ZBTB17: variants seen among roughly 807,000 people sequenced by gnomAD.
ZBTB17 encodes zinc finger and BTB domain containing 17, also known as zinc finger and BTB domain-containing protein 17.
ZBTB17 carries 24 observed loss-of-function variants against 85.1 expected under a neutral mutation model. That is an observed-to-expected ratio of 0.28 (90% CI 0.20 to 0.40). The LOEUF is 0.40. ZBTB17 is among the 10% of genes least tolerant of loss of function. ZBTB17 has a pLI of 1.00. For missense variants in ZBTB17, 743 were observed against 1,105.1 expected, an observed-to-expected ratio of 0.67 and a Z score of 4.65; for synonymous variants, 464 against 460.2, an observed-to-expected ratio of 1.01 and a Z score of -0.11.
chr1:15,974,317 C>T (rs1169291213), intron 1 of ZBTB17, among the ~76,000 whole-genome samples: 1 of 150,850 alleles, frequency 6.6e-6, no homozygotes, highest in Non-Finnish European at 1.5e-5. Flanking sequence ...CCACCATGCC[C>T]GGCTATTTTT....
Position 15,942,709 on chromosome 1 carries a change from C to T in ZBTB17, c.1858G>A (p.Gly620Arg). 1 of 1,613,602 alleles carries T rather than the reference C, an allele frequency of 6.2e-7. No homozygotes were observed. The highest frequency in any genetic ancestry group is 8.5e-7 in the Non-Finnish European group (1 of 1,180,038). Residue 620 changes from glycine to arginine, a missense_variant, in exon 14 of 16, where the codon GGG becomes AGG. Coordinates refer to ENST00000375743, the MANE Select transcript of ZBTB17 (RefSeq NM_003443.3). ...GEKPYLCDKC[G>R]RGFNRVDNLR... ...TTGTCTACCCGGTTGAAGCCACGCC[C>T]ACACTTATCACACAGGTAAGGCTTC...
chr1:15,946,737 C>G (rs2071626333), intron 4 of ZBTB17, among the ~76,000 whole-genome samples, 198 bp downstream of exon 4: 1 of 152,248 alleles, frequency 6.6e-6, no homozygotes, highest in Non-Finnish European at 1.5e-5. Context: ...GGCACTGAAC[C>G]AGGCACGGCT....
intron 2 of ZBTB17, among the ~76,000 whole-genome samples, chr1:15,949,010 G>A (rs558180590): frequency 2.0e-5 from 3 of 152,294 alleles, no homozygotes; most frequent in South Asian, 4.1e-4. Context: ...TCATCAGCCA[G>A]TGTTGCAGAA....
At chr1:15,970,330 G>C in intron 2 of ZBTB17, 1 of 233,812 alleles carries the variant, frequency 4.3e-6, no homozygotes, top group Non-Finnish European at 8.2e-6. Context: ...AATAAAAAAA[G>C]TTTTGATTTG....
intron 3 of ZBTB17, 73 bp from the exon 4 acceptor site, chr1:15,947,196 T>C: frequency 2.7e-6 from 4 of 1,462,208 alleles, no homozygotes; most frequent in Middle Eastern, 1.8e-4. Flanking sequence ...ACCACTCCAC[T>C]CAGCAGCAGG....
At chr1:15,947,195 C>T (rs188676751) in intron 3 of ZBTB17, 72 bp from the exon 4 acceptor site, 2 of 1,474,096 alleles carry the variant, frequency 1.4e-6, no homozygotes, top group Admixed American at 1.9e-5. Flanking sequence ...CACCACTCCA[C>T]TCAGCAGCAG....
chr1:15,946,701 G>T (rs1323677000), intron 4 of ZBTB17, among the ~76,000 whole-genome samples: 3 of 152,242 alleles, frequency 2.0e-5, no homozygotes, highest in Admixed American at 6.5e-5. Flanking sequence ...CCCGCAGGAG[G>T]GTTTAGGAGC....
rs375093516 is a variant in ZBTB17, at chr1:15,944,545, G to C, written c.1126C>G (p.Leu376Val). The change falls in exon 9 of 16, where the codon CTG (leucine) becomes GTG (valine). Residue 376 changes from leucine to valine, a missense_variant. Leu to Val is a conservative substitution (Grantham distance 32, BLOSUM62 1). This residue lies in a region of ZBTB17 where 321 missense variants were observed against 615.7 expected (regional missense o/e 0.52). Coordinates refer to ENST00000375743, the MANE Select transcript of ZBTB17 (RefSeq NM_003443.3). ...ECGKSYRLISLLNLHKKRHSG... is the reference protein window; with the variant it reads ...ECGKSYRLISVLNLHKKRHSG... Reference sequence around the variant, plus strand: ...TGCCGCTTCTTGTGCAGGTTCAGCAGGCTGATGAGGCGGTAGCTCTTCCCG... The same window carrying C: ...TGCCGCTTCTTGTGCAGGTTCAGCACGCTGATGAGGCGGTAGCTCTTCCCG... 6.3e-7 allele frequency: 1 copy of C among 1,596,742 alleles called. No homozygotes were observed. Among genetic ancestry groups the C allele is most frequent in the Non-Finnish European group, 8.5e-7 (1 of 1,177,452 alleles).
chr1:15,943,728 C>A lies in ZBTB17; in HGVS notation c.1460-13G>T. On this transcript the variant is annotated splice_polypyrimidine_tract_variant and intron_variant, in intron 10 of 15. Transcript: ENST00000375743. ...CGCTTCAGGTTCCCTGTGGCGAGAC[C>A]GAGGGCGAACCTGGCGTGGGGCACC... is the stretch of plus-strand genomic sequence containing the variant. The A allele has an allele frequency of 1.2e-6, 2 of 1,613,068 alleles. No homozygotes were observed. Among genetic ancestry groups the A allele is most frequent in the South Asian group, 1.1e-5 (1 of 91,062 alleles).
rs977510622 is a variant in ZBTB17 at position 15,952,673 on chromosome 1, G to C, written c.-2-4176C>G. Among the ~76,000 whole-genome samples the C allele has an allele frequency of 6.6e-6, 1 of 152,228 alleles. No individual in the cohort carries two copies. Among genetic ancestry groups the C allele is most frequent in the East Asian group, 1.9e-4 (1 of 5,202 alleles). ...TGTGGCTCCTGGGAATCCAGTCACC[G>C]AGCTGGAGGAAAGTCCAAGCTCCCG... is the stretch of plus-strand genomic sequence containing the variant. On this transcript the variant is annotated intron_variant, in intron 2 of 15. Transcript: ENST00000375743. The surrounding 1 kb of genome is among the most constrained non-coding windows in gnomAD (Gnocchi z 4.3).
chr1:15,945,862 G>A (rs754331138), intron 5 of ZBTB17, 22 bp from the exon 6 acceptor site: 2 of 1,582,594 alleles, frequency 1.3e-6, no homozygotes, highest in African/African-American at 2.7e-5. Context: ...AAGCACCGGA[G>A]GCTGGATTGC....
chr1:15,968,886 G>T (rs1488247541), intron 2 of ZBTB17, among the ~76,000 whole-genome samples: 2 of 152,188 alleles, frequency 1.3e-5, no homozygotes, highest in Non-Finnish European at 2.9e-5. Flanking sequence ...CCTTGCAGCA[G>T]GAGGTAAGTA....
Position 15,945,731 on chromosome 1 carries a change from G to C in ZBTB17, c.645C>G (p.Ser215=), listed in dbSNP as rs757901777. 1 of 1,607,102 alleles carries C rather than the reference G, an allele frequency of 6.2e-7. No individual in the cohort carries two copies. Among genetic ancestry groups the C allele is most frequent in the Non-Finnish European group, 8.5e-7 (1 of 1,179,848 alleles). ...MAAAEAEAAL[S]ESSEQEMEVE... is the part of the protein sequence containing the mutation. ...CGGGGCTACCTTGCTCCGAGCTCTC[G>C]GACAAAGCGGCCTCAGCTTCTGCAG... Residue 215 remains serine (S), a synonymous_variant, in exon 6 of 16, where the codon TCC becomes TCG. Transcript: ENST00000375743.
At position 15,952,775 on chromosome 1, in the gene ZBTB17, A is replaced by G. The variant is rs1307977836; in HGVS notation, c.-2-4278T>C. On this transcript the variant is annotated intron_variant, in intron 2 of 15. Coordinates refer to ENST00000375743, the MANE Select transcript of ZBTB17 (RefSeq NM_003443.3). This position sits in a 1 kb window ranked among gnomAD's most constrained non-coding sequence, Gnocchi z 4.3. ...AGCAGAGAGGCCACTGACAGCACCA[A>G]TGCTCTGTGGCGAGGGACACACTTT... The G allele has an allele frequency of 6.6e-6, 1 of 152,432 alleles. No homozygotes were observed. The highest frequency in any genetic ancestry group is 2.4e-5 in the African/African-American group (1 of 41,452). 9.4% of individuals were successfully genotyped at this position (152,432 alleles called of 1,614,324 possible). A position where few individuals can be genotyped will look rare whatever the true frequency, so the allele number is the denominator to read the frequency against.
intron 2 of ZBTB17, among the ~76,000 whole-genome samples, chr1:15,955,027 A>G (rs1360318698): frequency 6.6e-6 from 1 of 151,924 alleles, no homozygotes; most frequent in Non-Finnish European, 1.5e-5. Flanking sequence ...GGTGGTGCGC[A>G]CCTGTAGTCC....
Position 15,948,516 on chromosome 1 carries a change from C to G in ZBTB17, c.-2-19G>C, listed in dbSNP as rs763570957. 1.2e-6 allele frequency: 2 copies of G among 1,610,206 alleles called. No homozygotes were observed. Among genetic ancestry groups the G allele is most frequent in the Middle Eastern group, 1.7e-4 (1 of 6,038 alleles). The stretch of plus-strand genomic sequence containing the variant: ...TCCATGGCTGAAGAAAGCCAAAGGG[C>G]GTTGGGGTTAGCACGGAGAAAGGAC... On this transcript the variant is annotated intron_variant, in intron 2 of 15. Transcript: ENST00000375743.
rs565698095 is a variant in ZBTB17, at chr1:15,975,220, T to C, written c.-90+763A>G. The stretch of plus-strand genomic sequence containing the variant: ...ACACACAGCATTTACTTTGTACCCA[T>C]AAGTGTTCTAGGAGCCTCATTTCCC... On this transcript the variant is annotated intron_variant, in intron 1 of 15. Coordinates refer to ENST00000375743, the MANE Select transcript of ZBTB17 (RefSeq NM_003443.3). 3.3e-5 allele frequency among the ~76,000 whole-genome samples: 5 copies of C among 152,356 alleles called. No homozygotes were observed. In the South Asian group the frequency reaches 6.2e-4, roughly 19 times the overall value.
chr1:15,948,033 T>G, intron 3 of ZBTB17: 1 of 549,190 alleles, frequency 1.8e-6, no homozygotes, highest in East Asian at 3.2e-5. Context: ...AATGAGGCCT[T>G]TCCTGTGTTC....
At chr1:15,956,494 G>GA (rs1347840748) in intron 2 of ZBTB17, among the ~76,000 whole-genome samples, 2 of 152,040 alleles carry the variant, frequency 1.3e-5, no homozygotes, top group Non-Finnish European at 2.9e-5. Flanking sequence ...TAAAATAATA[G>GA]AAAAAAGCCA....
Sources: gnomAD v4.1 joint callset for allele counts (sites outside exome capture counted in the v4.1 genomes callset) on GRCh38, gnomAD v4.1.1 for gene constraint, gnomAD v4.1.1 regional missense constraint, Gnocchi (gnomAD v3.1) non-coding constraint, MANE v1.5 for transcripts, NCBI Gene and HGNC (gene_info 2026-07-23, HGNC 2026-07-21) for gene names.